Variants in GPC5 observed in about 807,000 individuals in gnomAD.
GPC5 encodes glypican-5.
GPC5 carries 47 observed loss-of-function variants against 53.9 expected under a neutral mutation model. The ratio of observed to expected loss-of-function variants is 0.87; its 90% CI spans 0.69 to 1.11. The LOEUF is 1.11. Among genes scored for constraint, GPC5 ranks in the 50% most tolerant of loss-of-function variants. The probability of loss-of-function intolerance (pLI) is 0.00; values close to 1 mark genes in which losing one functional copy is unlikely to be tolerated. For missense variants in GPC5, 748 were observed against 713.1 expected (o/e 1.05, Z -0.56); for synonymous variants, 286 against 263.3 (o/e 1.09, Z -0.84).
intron 2 of GPC5, among the ~76,000 whole-genome samples, chr13:91,455,761 A>C (rs1186869416): frequency 6.6e-6 from 1 of 152,010 alleles, no homozygotes; most frequent in African/African-American, 2.4e-5. Context: ...CTTTTAAAAA[A>C]TTTGCTGTTG....
At chr13:91,674,695 T>C (rs138362623) in intron 2 of GPC5, among the ~76,000 whole-genome samples, 18 of 142,290 alleles carry the variant, frequency 1.3e-4, no homozygotes, top group Non-Finnish European at 2.1e-4. Flanking sequence ...TGTATATATA[T>C]GTATATATAT....
chr13:92,721,542 C>T (rs945121164), intron 7 of GPC5: 11 of 152,034 alleles, frequency 7.2e-5, no homozygotes, highest in Admixed American at 7.2e-4. Flanking sequence ...ACCAGGATCC[C>T]TTGCTGTCAG....
chr13:91,790,349 A>G (rs1000114647), intron 5 of GPC5, among the ~76,000 whole-genome samples: 46 of 152,192 alleles, frequency 3.0e-4, no homozygotes, highest in African/African-American at 1.0e-3. Context: ...TCAGAATAGT[A>G]TTTTAGATGT....
At chr13:92,228,918 A>C (rs1442575929) in intron 7 of GPC5, among the ~76,000 whole-genome samples, 1 of 152,128 alleles carries the variant, frequency 6.6e-6, no homozygotes, top group Non-Finnish European at 1.5e-5. Flanking sequence ...TGATATTGAT[A>C]GGTTTGGAAG....
intron 2 of GPC5, among the ~76,000 whole-genome samples, chr13:91,543,525 T>C (rs2030090529): frequency 1.1e-5 from 1 of 88,660 alleles, no homozygotes; most frequent in South Asian, 6.4e-4. Context: ...TACTACATGA[T>C]TTTTCAAAGA....
intron 7 of GPC5, among the ~76,000 whole-genome samples, chr13:92,145,695 A>G (rs1008249714): frequency 6.6e-6 from 1 of 152,144 alleles, no homozygotes; most frequent in Non-Finnish European, 1.5e-5. Flanking sequence ...CAAAACAACA[A>G]AAGTGACCAA....
At chr13:92,650,994 A>G (rs1023800011) in intron 7 of GPC5, among the ~76,000 whole-genome samples, 5 of 151,998 alleles carry the variant, frequency 3.3e-5, no homozygotes, top group African/African-American at 1.2e-4. Flanking sequence ...GAGTGAGAAC[A>G]TGTGGTGTTT....
At chr13:92,730,143 A>T (rs369549694) in intron 7 of GPC5, among the ~76,000 whole-genome samples, 18 of 151,390 alleles carry the variant, frequency 1.2e-4, no homozygotes, top group East Asian at 7.8e-4. Context: ...AGGACACACT[A>T]CTTGGAATAT....
intron 7 of GPC5, among the ~76,000 whole-genome samples, chr13:92,683,604 A>T: frequency 6.6e-6 from 1 of 152,324 alleles, no homozygotes; most frequent in East Asian, 1.9e-4. Flanking sequence ...TGAAAAATTT[A>T]CTTTTTCTAT....
intron 2 of GPC5, among the ~76,000 whole-genome samples, chr13:91,497,624 G>A (rs1229455805): frequency 6.6e-6 from 1 of 152,098 alleles, no homozygotes; most frequent in Non-Finnish European, 1.5e-5. Context: ...TTCCATTTAA[G>A]TACCATCTAT....
At chr13:92,075,848 T>G in intron 6 of GPC5, among the ~76,000 whole-genome samples, 1 of 152,172 alleles carries the variant, frequency 6.6e-6, no homozygotes, top group East Asian at 1.9e-4. Flanking sequence ...TCAATAAAAT[T>G]CTTGAAGCCA....
chr13:91,497,388 T>C (rs7987479), intron 2 of GPC5, among the ~76,000 whole-genome samples: 8,942 of 152,232 alleles, frequency 0.059, 461 homozygotes, highest in African/African-American at 0.13. Flanking sequence ...ACTTTGTTAA[T>C]TCCTGTACTG....
intron 7 of GPC5, among the ~76,000 whole-genome samples, chr13:92,567,496 T>C (rs1284498706): frequency 6.6e-6 from 1 of 152,140 alleles, no homozygotes; most frequent in South Asian, 2.1e-4. Flanking sequence ...AAAAATGGCA[T>C]GAATGCTGTG....
In GPC5 at chr13:92,739,991, A is replaced by G. The variant is rs1889042649; in HGVS notation, c.1562-126291A>G. 2.6e-5 allele frequency among the ~76,000 whole-genome samples: 4 copies of G among 152,026 alleles called. No homozygotes were observed. The South Asian group carries it at 8.3e-4, about 32-fold the overall frequency. On this transcript the variant is annotated intron_variant, in intron 7 of 7. Transcript: ENST00000377067. ...ATCATCAAAGTCACCAGTGACTTCC[A>G]TATTATTTACCTCAGTACAGCCCAT...
chr13:92,312,734 G>A (rs555663859), intron 7 of GPC5, among the ~76,000 whole-genome samples: 59 of 152,126 alleles, frequency 3.9e-4, no homozygotes, highest in Non-Finnish European at 6.3e-4. Context: ...TTGTCTGTGA[G>A]TGTAATTTTA....
chr13:92,073,269 A>G (rs2041227480), intron 6 of GPC5, among the ~76,000 whole-genome samples: 1 of 152,224 alleles, frequency 6.6e-6, no homozygotes. Context: ...ATAACTATAG[A>G]AAGATGTAGA....
At chr13:92,758,648 T>C (rs1475453725) in intron 7 of GPC5, among the ~76,000 whole-genome samples, 2 of 152,176 alleles carry the variant, frequency 1.3e-5, no homozygotes, top group African/African-American at 2.4e-5. Context: ...TGTGTTTATA[T>C]TTATTTTCAA....
intron 7 of GPC5, among the ~76,000 whole-genome samples, chr13:92,166,956 T>TCTCTCTCTCTCACACA (rs1415930136): frequency 1.2e-5 from 1 of 84,710 alleles, no homozygotes; most frequent in African/African-American, 4.5e-5. Flanking sequence ...TCTCTCTCTC[T>TCTCTCTCTCTCACACA]CACACACACA....
chr13:92,342,579 T>C (rs1301614233), intron 7 of GPC5, among the ~76,000 whole-genome samples: 2 of 152,104 alleles, frequency 1.3e-5, no homozygotes, highest in East Asian at 3.9e-4. Context: ...TACCAGATAA[T>C]GAATCTGTTC....
Sources: allele counts gnomAD v4.1 joint callset (sites outside exome capture counted in the v4.1 genomes callset), GRCh38; gene constraint gnomAD v4.1.1; transcripts MANE v1.5; gene names NCBI Gene and HGNC (gene_info 2026-07-23, HGNC 2026-07-21).